Variants in KPNA7 observed in about 807,000 individuals in gnomAD.
The protein encoded by KPNA7 is karyopherin subunit alpha 7.
KPNA7 carries 54 observed loss-of-function variants against 53.7 expected under a neutral mutation model. That is an observed-to-expected ratio of 1.01 (90% CI 0.81 to 1.26). KPNA7 has a LOEUF of 1.26. Ranked by LOEUF, KPNA7 falls within the 50% of genes most tolerant of loss-of-function variation. The pLI, the probability that KPNA7 is intolerant of heterozygous loss-of-function variation, is 0.00. For missense variants in KPNA7, 640 were observed against 644.5 expected (o/e 0.99, Z 0.07); for synonymous variants, 276 against 259.3 (o/e 1.06, Z -0.62).
chr7:99,186,612 G>A (rs911803431), intron 7 of KPNA7, among the ~76,000 whole-genome samples: 9 of 152,072 alleles, frequency 5.9e-5, no homozygotes, highest in African/African-American at 1.7e-4. Flanking sequence ...GTGTGGTGGT[G>A]CACACCTGTA....
the KPNA7 span, among the ~76,000 whole-genome samples, chr7:99,146,072 T>C: frequency 2.0e-5 from 3 of 152,116 alleles, no homozygotes. Context: ...TCCCAAGTAA[T>C]CCCCATTCTT....
chr7:99,178,843 C>T (rs1010676181), intron 9 of KPNA7, among the ~76,000 whole-genome samples: 6 of 137,590 alleles, frequency 4.4e-5, no homozygotes, highest in Non-Finnish European at 6.1e-5. Flanking sequence ...AGTGCAGTGG[C>T]GTAATCTTGG....
In KPNA7 at chr7:99,178,099, CG is replaced by C; in HGVS notation, c.1318-34del. 1.9e-6 allele frequency: 3 copies of C among 1,544,880 alleles called. No individual in the cohort carries two copies. In the South Asian group the frequency reaches 3.6e-5, roughly 19 times the overall value. ...CAAGTACAAGGGGACATGAGACCCC[CG>C]GCAGGAGCCTTTGGGGGATAGGGAC... is the stretch of plus-strand genomic sequence containing the variant. On this transcript the variant is annotated intron_variant, in intron 9 of 10. Coordinates refer to ENST00000327442, the MANE Select transcript of KPNA7 (RefSeq NM_001145715.3).
chr7:99,185,342 AT>A (rs1330940154), intron 7 of KPNA7, among the ~76,000 whole-genome samples, 180 bp from the exon 8 acceptor site: 2 of 151,892 alleles, frequency 1.3e-5, no homozygotes, highest in African/African-American at 4.8e-5. Context: ...CTTTTAATTT[AT>A]TTTTTATTTA....
rs1179951427 is a variant in KPNA7 at position 99,195,336 on chromosome 7, T to A, written c.287A>T (p.Lys96Ile). ...LCFQATQTAR[K>I]MLSQEKNPPL... Reference sequence around the variant, plus strand: ...GGGGTTCTTTTCCTGGGATAGCATTTTCCTATGCAATGAAAGAGAGGGCAG... The same window carrying A: ...GGGGTTCTTTTCCTGGGATAGCATTATCCTATGCAATGAAAGAGAGGGCAG... Residue 96 changes from lysine (K) to isoleucine (I), a missense_variant and splice_region_variant, in exon 5 of 11, where the codon AAA becomes ATA. Coordinates refer to ENST00000327442, the MANE Select transcript of KPNA7 (RefSeq NM_001145715.3). 1.3e-6 allele frequency: 2 copies of A among 1,550,998 alleles called. No individual in the cohort carries two copies. Among genetic ancestry groups the A allele is most frequent in the Non-Finnish European group, 1.7e-6 (2 of 1,146,512 alleles).
chr7:99,185,030 C>G lies in KPNA7; in HGVS notation c.1033G>C (p.Ala345Pro). Residue 345 changes from alanine to proline, a missense_variant, in exon 8 of 11, where the codon GCA becomes CCA. Coordinates refer to ENST00000327442, the MANE Select transcript of KPNA7 (RefSeq NM_001145715.3). ...GCTACGTTGCTCAGGGCCCAGGCTG[C>G]CTCCTTCTGGATGGAGGGCTTGTTG... ...QHNKPSIQKE[A>P]AWALSNVAAG... The G allele has an allele frequency of 2.6e-6, 4 of 1,551,870 alleles. No homozygotes were observed. The highest frequency in any genetic ancestry group is 2.0e-5 in the Admixed American group (1 of 50,988).
At chr7:99,180,413 G>A (rs1249780413) in intron 9 of KPNA7, among the ~76,000 whole-genome samples, 1 of 152,094 alleles carries the variant, frequency 6.6e-6, no homozygotes, top group Admixed American at 6.6e-5. Flanking sequence ...GAGGTGGGAG[G>A]ATTGCTTGAG....
In KPNA7 at chr7:99,187,147, C is replaced by T. The variant is rs1261479547; in HGVS notation, c.900+1153G>A. 2.6e-5 allele frequency among the ~76,000 whole-genome samples: 4 copies of T among 151,864 alleles called. No individual in the cohort carries two copies. In the East Asian group the frequency reaches 5.9e-4, roughly 22 times the overall value. On this transcript the variant is annotated intron_variant, in intron 7 of 10. Coordinates refer to ENST00000327442, the MANE Select transcript of KPNA7 (RefSeq NM_001145715.3). The stretch of plus-strand genomic sequence containing the variant: ...ACTAAAAATACAAAAATTAGCTGGG[C>T]GTGATGGTAGTGGGTGCCTGTGATC...
chr7:99,196,025 A>G, intron 4 of KPNA7, 59 bp downstream of exon 4: 1 of 1,391,864 alleles, frequency 7.2e-7, no homozygotes, highest in Non-Finnish European at 1.0e-6. Context: ...CGCTCCAGCC[A>G]TCACTGACGC....
At chr7:99,189,724 T>G (rs1789836382) in intron 6 of KPNA7, among the ~76,000 whole-genome samples, 1 of 151,998 alleles carries the variant, frequency 6.6e-6, no homozygotes, top group Non-Finnish European at 1.5e-5. Context: ...CAGGCCCAAG[T>G]GATCCTCCTA....
chr7:99,211,317 G>A (rs184926269), upstream of KPNA7, among the ~76,000 whole-genome samples: 10 of 151,126 alleles, frequency 6.6e-5, no homozygotes, highest in African/African-American at 2.5e-4. Flanking sequence ...AACTACTTGA[G>A]AGGCCGAGGC....
chr7:99,193,159 G>A, intron 5 of KPNA7, 58 bp from the exon 6 acceptor site: 4 of 1,121,180 alleles, frequency 3.6e-6, no homozygotes, highest in Non-Finnish European at 4.9e-6. Flanking sequence ...CCTGAAGTGG[G>A]TGACTAATTT....
intron 1 of KPNA7, among the ~76,000 whole-genome samples, chr7:99,219,350 G>A (rs1791290788): frequency 6.6e-6 from 1 of 152,218 alleles, no homozygotes; most frequent in Non-Finnish European, 1.5e-5. Flanking sequence ...GCTAGGTTGA[G>A]TGGCCTCTTC....
At chr7:99,219,224 T>C (rs1165513499) in intron 1 of KPNA7, among the ~76,000 whole-genome samples, 2 of 152,196 alleles carry the variant, frequency 1.3e-5, no homozygotes, top group Non-Finnish European at 2.9e-5. Flanking sequence ...CCTCTGCAGC[T>C]GTAGCATTTT....
chr7:99,177,873 C>T (rs1394450161), intron 10 of KPNA7, 47 bp downstream of exon 10: 1 of 1,543,322 alleles, frequency 6.5e-7, no homozygotes, highest in Non-Finnish European at 8.8e-7. Flanking sequence ...TGCAGAGCTG[C>T]CCCACCAAGA....
the KPNA7 span, among the ~76,000 whole-genome samples, chr7:99,147,543 C>G: frequency 6.6e-6 from 1 of 152,246 alleles, no homozygotes; most frequent in African/African-American, 2.4e-5. Context: ...GTAATCCCAG[C>G]ATTTTGGGAG....
intron 1 of KPNA7, among the ~76,000 whole-genome samples, chr7:99,216,597 T>C (rs889262366): frequency 3.9e-5 from 6 of 152,140 alleles, no homozygotes; most frequent in Non-Finnish European, 8.8e-5. Context: ...AGTCTGGCTC[T>C]GTCGCCCAGG....
intron 1 of KPNA7, among the ~76,000 whole-genome samples, chr7:99,217,379 G>A (rs758967097): frequency 2.0e-5 from 3 of 152,166 alleles, no homozygotes; most frequent in Non-Finnish European, 2.9e-5. Flanking sequence ...GTTCTTCAAA[G>A]TAGGGTTTGT....
chr7:99,168,091 T>TG, the KPNA7 span, among the ~76,000 whole-genome samples: 6 of 151,172 alleles, frequency 4.0e-5, no homozygotes, highest in African/African-American at 1.2e-4. Context: ...ACAACACTCT[T>TG]GGCATGTTTT....
Sources: allele counts gnomAD v4.1 joint callset (sites outside exome capture counted in the v4.1 genomes callset), GRCh38; gene constraint gnomAD v4.1.1; transcripts MANE v1.5; gene names NCBI Gene and HGNC (gene_info 2026-07-23, HGNC 2026-07-21).